WDR35: variants seen among roughly 807,000 people sequenced by gnomAD.
The protein encoded by WDR35 is WD repeat domain 35, also known as WD repeat-containing protein 35.
Under a neutral mutation model 158.3 loss-of-function variants are expected in WDR35, and 118 were observed. The observed-to-expected ratio is 0.75, with a 90% CI of 0.64 to 0.87. The LOEUF (loss-of-function observed/expected upper bound fraction) is 0.87, where lower values mean the gene tolerates loss of function less well. WDR35 is among the 40% of genes least tolerant of loss of function. The pLI, the probability that WDR35 is intolerant of heterozygous loss-of-function variation, is 0.00. For missense variants in WDR35, 1,263 were observed against 1,405.8 expected (o/e 0.90, Z 1.62); for synonymous variants, 448 against 476.1 (o/e 0.94, Z 0.77).
chr2:19,924,111 C>G (rs1670274995), intron 25 of WDR35, among the ~76,000 whole-genome samples: 1 of 152,130 alleles, frequency 6.6e-6, no homozygotes, highest in Non-Finnish European at 1.5e-5. Context: ...CACAAGTGGT[C>G]ATGCAGGATG....
At chr2:19,948,091 C>T (rs959280586) in intron 14 of WDR35, 73 bp downstream of exon 14, 7 of 1,269,016 alleles carry the variant, frequency 5.5e-6, no homozygotes, top group Non-Finnish European at 7.7e-6. Context: ...ACATGGGGCA[C>T]ACACCTGGCT....
rs201207790 is a variant in WDR35, at chr2:19,931,259, G to T, written c.2964+10C>A. 3.7e-4 allele frequency: 599 copies of T among 1,605,054 alleles called. 1 individual carries two copies. The highest frequency in any genetic ancestry group is 4.7e-4 in the Non-Finnish European group (557 of 1,177,070). ...CCAATGATGTAATGTTATTTAACGT[G>T]CTACTTTACCTCTGAACTTTTTCCT... On this transcript the variant is annotated intron_variant, in intron 24 of 26. Transcript: ENST00000281405.
intron 8 of WDR35, among the ~76,000 whole-genome samples, chr2:19,970,626 C>T (rs1178230479): frequency 6.6e-6 from 1 of 152,168 alleles, no homozygotes; most frequent in East Asian, 1.9e-4. Flanking sequence ...CATACAATGC[C>T]TTTTTCCCAT....
chr2:19,932,489 A>G, intron 22 of WDR35, 42 bp from the exon 23 acceptor site: 1 of 1,610,658 alleles, frequency 6.2e-7, no homozygotes, highest in Non-Finnish European at 8.5e-7. Flanking sequence ...AAGTATTTAC[A>G]GTCACATATA....
At chr2:19,976,214 A>T (rs1399747411) in intron 5 of WDR35, among the ~76,000 whole-genome samples, 1 of 152,176 alleles carries the variant, frequency 6.6e-6, no homozygotes, top group Non-Finnish European at 1.5e-5. Flanking sequence ...ACACATGCAG[A>T]TCTATTTCTC....
At chr2:19,967,005 C>T in intron 9 of WDR35, 96 bp from the exon 10 acceptor site, 3 of 1,203,128 alleles carry the variant, frequency 2.5e-6, no homozygotes, top group Non-Finnish European at 3.6e-6. Context: ...TTTTTACTCT[C>T]AAAATATTGC....
intron 25 of WDR35, among the ~76,000 whole-genome samples, chr2:19,920,283 A>C (rs1670129856): frequency 1.3e-5 from 2 of 152,212 alleles, no homozygotes; most frequent in South Asian, 4.1e-4. Context: ...ACAACAACAA[A>C]AAATTTCAGG....
In WDR35 at chr2:19,910,989, T is replaced by C. The variant is rs559557769; in HGVS notation, c.*2569A>G. 3 of 152,272 alleles carry C rather than the reference T, an allele frequency of 2.0e-5. No individual in the cohort carries two copies. In the South Asian group the frequency reaches 6.2e-4, roughly 32 times the overall value. 9.4% of individuals were successfully genotyped at this position (152,272 alleles called of 1,614,324 possible). ...TAGGTCCACAAGGTATGAGAGGTTG[T>C]TTTTAGAGATACTGGTTTCTGGATC... On this transcript the variant is annotated 3_prime_UTR_variant, in exon 27 of 27. Coordinates refer to ENST00000281405, the MANE Select transcript of WDR35 (RefSeq NM_020779.4).
rs930637287 is a variant in WDR35 at position 19,941,720 on chromosome 2, G to GT, written c.1926+38dup. On this transcript the variant is annotated intron_variant, in intron 17 of 26. Coordinates refer to ENST00000281405, the MANE Select transcript of WDR35 (RefSeq NM_020779.4). ...CCGCCTGGTCCAGAAATAATCCCCT[G>GT]TCAAGCTAGCAACAGAAATGTAACT... 4 of 1,425,670 alleles carry GT rather than the reference G, an allele frequency of 2.8e-6. No individual in the cohort carries two copies. The African/African-American group carries it at 5.6e-5, about 20-fold the overall frequency. 88.3% of individuals were successfully genotyped at this position (1,425,670 alleles called of 1,614,324 possible). A position where few individuals can be genotyped will look rare whatever the true frequency, so the allele number is the denominator to read the frequency against.
At chr2:19,946,358 A>G (rs969510811) in intron 15 of WDR35, 103 bp downstream of exon 15, 1 of 1,009,570 alleles carries the variant, frequency 9.9e-7, no homozygotes, top group Non-Finnish European at 1.6e-6. Flanking sequence ...AGACAAGTTC[A>G]TAATAGACAC....
At chr2:19,988,125 G>A (rs115387787) in intron 2 of WDR35, among the ~76,000 whole-genome samples, 289 of 152,130 alleles carry the variant, frequency 1.9e-3, no homozygotes, top group African/African-American at 6.7e-3. Flanking sequence ...TCCTTGTTCC[G>A]CCACTTACTG....
chr2:19,972,345 T>C (rs1672057844), intron 8 of WDR35, among the ~76,000 whole-genome samples: 1 of 152,322 alleles, frequency 6.6e-6, no homozygotes, highest in African/African-American at 2.4e-5. Context: ...TAACACATTG[T>C]TTTGCAAGAC....
At position 19,974,274 on chromosome 2, in the gene WDR35, G is replaced by C. The variant is rs34425205; in HGVS notation, c.736+194C>G. On this transcript the variant is annotated intron_variant, in intron 7 of 26. Coordinates refer to ENST00000281405, the MANE Select transcript of WDR35 (RefSeq NM_020779.4). Reference sequence around the variant, plus strand: ...AAATATAAAAAATTAGCCAGGCATAGTGGCACGCCCTGTAGTCCCAGCTAC... The same window carrying C: ...AAATATAAAAAATTAGCCAGGCATACTGGCACGCCCTGTAGTCCCAGCTAC... Among the ~76,000 whole-genome samples, 38,519 of 151,624 alleles carry C rather than the reference G, an allele frequency of 0.25. 4,948 individuals carry two copies. The highest frequency in any genetic ancestry group is 0.25 in the African/African-American group (10,535 of 41,328).
intron 12 of WDR35, among the ~76,000 whole-genome samples, chr2:19,952,781 C>CTTTTTTTTT (rs773596785): frequency 4.6e-5 from 4 of 86,266 alleles, no homozygotes; most frequent in Admixed American, 1.5e-4. Context: ...ACTCAACATA[C>CTTTTTTTTT]TTTTTTTTTT....
At chr2:19,941,883 CCT>C (rs1170198747) in intron 16 of WDR35, 44 bp from the exon 17 acceptor site, 23 of 1,372,748 alleles carry the variant, frequency 1.7e-5, no homozygotes, top group Non-Finnish European at 2.2e-5. Context: ...TGCAAAATTT[CCT>C]CTCTTTTAAC....
chr2:19,982,221 G>C (rs907333966), intron 3 of WDR35, among the ~76,000 whole-genome samples: 3 of 152,202 alleles, frequency 2.0e-5, no homozygotes, highest in Admixed American at 1.3e-4. Flanking sequence ...CTGTAGGCTA[G>C]TGTTTTCTGG....
intron 11 of WDR35, among the ~76,000 whole-genome samples, chr2:19,955,242 G>A (rs559734417): frequency 2.0e-5 from 3 of 152,046 alleles, no homozygotes; most frequent in South Asian, 2.1e-4. Context: ...GAGCCACCCC[G>A]CCTGGCCACA....
intron 1 of WDR35, among the ~76,000 whole-genome samples, chr2:19,989,570 T>A (rs1672684403): frequency 6.6e-6 from 1 of 152,172 alleles, no homozygotes; most frequent in African/African-American, 2.4e-5. Flanking sequence ...GGAGAGGGTA[T>A]AAATCCATAC....
chr2:19,977,557 C>G (rs546165707), intron 5 of WDR35, among the ~76,000 whole-genome samples: 1 of 152,288 alleles, frequency 6.6e-6, no homozygotes, highest in East Asian at 1.9e-4. Context: ...TAATCTCTCA[C>G]CTGAATTGCC....
Sources: gnomAD v4.1 joint callset for allele counts (sites outside exome capture counted in the v4.1 genomes callset) on GRCh38, gnomAD v4.1.1 for gene constraint, MANE v1.5 for transcripts, NCBI Gene and HGNC (gene_info 2026-07-23, HGNC 2026-07-21) for gene names.